DACH2: variants seen among roughly 807,000 people sequenced by gnomAD.
DACH2 encodes the protein dachshund homolog 2.
DACH2 carries 17 observed loss-of-function variants against 35.8 expected under a neutral mutation model. The ratio of observed to expected loss-of-function variants is 0.48; its 90% CI spans 0.33 to 0.71. The LOEUF (loss-of-function observed/expected upper bound fraction) is 0.71, where lower values mean the gene tolerates loss of function less well. Among genes scored for constraint, DACH2 ranks in the 30% least tolerant of loss-of-function variants. The pLI is 0.02. For missense variants in DACH2, 469 were observed against 472.7 expected (o/e 0.99, Z 0.07); for synonymous variants, 195 against 177.3 (o/e 1.10, Z -0.79).
chrX:86,735,841 A>G (rs944872541), intron 6 of DACH2, among the ~76,000 whole-genome samples: 1 of 111,740 alleles, frequency 8.9e-6, no homozygotes, highest in Non-Finnish European at 1.9e-5. Flanking sequence ...TTAGAGTTTT[A>G]GATTTGCAAG....
At chrX:86,530,863 G>A (rs765589121) in intron 3 of DACH2, among the ~76,000 whole-genome samples, 16 of 111,701 alleles carry the variant, frequency 1.4e-4, no homozygotes, top group Non-Finnish European at 2.4e-4. Context: ...CCAAATTGCT[G>A]ATAGTGATAA....
At chrX:86,498,739 T>A (rs1314678688) in intron 2 of DACH2, among the ~76,000 whole-genome samples, 1 of 112,471 alleles carries the variant, frequency 8.9e-6, no homozygotes, top group Admixed American at 9.4e-5. Context: ...TATCAAATTA[T>A]GTAAAGATGA....
chrX:86,278,777 A>G (rs2033966678), intron 1 of DACH2, among the ~76,000 whole-genome samples: 1 of 111,802 alleles, frequency 8.9e-6, no homozygotes, highest in South Asian at 3.8e-4. Context: ...GAGCCCAGCA[A>G]GCTAAGATCC....
intron 10 of DACH2, among the ~76,000 whole-genome samples, chrX:86,815,587 A>G (rs1602984355): frequency 9.3e-6 from 1 of 106,988 alleles, no homozygotes; most frequent in East Asian, 2.9e-4. Flanking sequence ...ATATATATAT[A>G]TACACACACA....
intron 7 of DACH2, among the ~76,000 whole-genome samples, chrX:86,804,252 A>G (rs775657532): frequency 8.9e-6 from 1 of 111,890 alleles, no homozygotes; most frequent in Admixed American, 9.5e-5. Context: ...CAATCATGGC[A>G]GAAGGCAAAG....
chrX:86,654,832 A>G (rs2040522171), intron 4 of DACH2, among the ~76,000 whole-genome samples: 1 of 111,690 alleles, frequency 9.0e-6, no homozygotes, highest in Admixed American at 9.6e-5. Context: ...TATTATATAG[A>G]TTTAAATGAA....
intron 1 of DACH2, among the ~76,000 whole-genome samples, chrX:86,174,411 G>T (rs1227424149): frequency 9.0e-6 from 1 of 110,678 alleles, no homozygotes; most frequent in Non-Finnish European, 1.9e-5. Context: ...ACAGGTGTTA[G>T]CCACCATGCC....
chrX:86,815,749 A>G (rs2042443944), intron 10 of DACH2, among the ~76,000 whole-genome samples: 1 of 108,323 alleles, frequency 9.2e-6, no homozygotes, highest in Non-Finnish European at 1.9e-5. Flanking sequence ...TAGTCTTAGG[A>G]GGTTTTAATG....
intron 5 of DACH2, among the ~76,000 whole-genome samples, chrX:86,696,364 A>T (rs939544077): frequency 1.8e-5 from 2 of 112,230 alleles, no homozygotes; most frequent in Non-Finnish European, 1.9e-5. Context: ...GTCCCATACA[A>T]AATGAAATGT....
intron 2 of DACH2, among the ~76,000 whole-genome samples, chrX:86,465,671 G>A (rs2037653899): frequency 9.0e-6 from 1 of 111,677 alleles, no homozygotes; most frequent in Non-Finnish European, 1.9e-5. Flanking sequence ...CATAGTAGAG[G>A]GTTTGCATTA....
At chrX:86,419,298 G>T (rs1315937873) in intron 2 of DACH2, among the ~76,000 whole-genome samples, 2 of 111,724 alleles carry the variant, frequency 1.8e-5, no homozygotes, top group Non-Finnish European at 3.8e-5. Flanking sequence ...TTTTCATGCT[G>T]CCGTTAAAGA....
intron 11 of DACH2, among the ~76,000 whole-genome samples, chrX:86,824,330 A>G (rs769421147): frequency 8.9e-6 from 1 of 111,877 alleles, no homozygotes; most frequent in African/African-American, 3.2e-5. Context: ...CAAGAAGAAA[A>G]ATATGGCTCT....
chrX:86,550,930 G>T (rs2039040574), intron 3 of DACH2, among the ~76,000 whole-genome samples: 1 of 111,584 alleles, frequency 9.0e-6, no homozygotes. Flanking sequence ...AGTGAAGGGT[G>T]CAAAGGGGGA....
At chrX:86,274,852 G>A (rs1056885644) in intron 1 of DACH2, among the ~76,000 whole-genome samples, 17 of 111,244 alleles carry the variant, frequency 1.5e-4, no homozygotes, top group African/African-American at 5.6e-4. Flanking sequence ...CTGAAGGCAT[G>A]TTTGATACAG....
chrX:86,428,736 C>T (rs772960568), intron 2 of DACH2, among the ~76,000 whole-genome samples: 4 of 109,459 alleles, frequency 3.7e-5, no homozygotes, highest in African/African-American at 1.3e-4. Context: ...TATTTAAATT[C>T]CCATTCCTAA....
intron 1 of DACH2, among the ~76,000 whole-genome samples, chrX:86,174,643 T>A: frequency 9.0e-6 from 1 of 111,290 alleles, no homozygotes; most frequent in Non-Finnish European, 1.9e-5. Context: ...AGACATAAAT[T>A]ATAAGCATGT....
intron 3 of DACH2, among the ~76,000 whole-genome samples, chrX:86,624,112 A>G (rs139520153): frequency 0.054 from 5,731 of 106,024 alleles, 193 homozygotes; most frequent in East Asian, 0.13. Context: ...TTCTTTTTAT[A>G]GAGTCAATAA....
intron 5 of DACH2, among the ~76,000 whole-genome samples, chrX:86,711,640 G>A (rs2041281158): frequency 9.0e-6 from 1 of 111,582 alleles, no homozygotes; most frequent in Admixed American, 9.5e-5. Context: ...GAAAACGTTT[G>A]ACTTTCATAA....
At chrX:86,496,966 G>A (rs928884659) in intron 2 of DACH2, among the ~76,000 whole-genome samples, 4 of 112,083 alleles carry the variant, frequency 3.6e-5, no homozygotes, top group Non-Finnish European at 5.6e-5. Flanking sequence ...GAAGGTGAAG[G>A]TTAATGAAAT....
Sources: gnomAD v4.1 joint callset for allele counts (sites outside exome capture counted in the v4.1 genomes callset) on GRCh38, gnomAD v4.1.1 for gene constraint, MANE v1.5 for transcripts, NCBI Gene and HGNC (gene_info 2026-07-23, HGNC 2026-07-21) for gene names.